The following GRIN3A variants were observed in gnomAD, a reference collection of about 807,000 sequenced individuals.
The protein encoded by GRIN3A is glutamate ionotropic receptor NMDA type subunit 3A.
GRIN3A carries 47 observed loss-of-function variants against 92.4 expected under a neutral mutation model. The observed-to-expected ratio is 0.51, with a 90% CI of 0.40 to 0.65. GRIN3A has a LOEUF of 0.65. Ranked by LOEUF, GRIN3A falls within the 30% of genes least tolerant of loss-of-function variation. GRIN3A has a pLI of 0.00. For synonymous variants in GRIN3A, 527 were observed against 540.6 expected, an observed-to-expected ratio of 0.97 and a Z score of 0.35; for missense variants, 1,324 against 1,393.1, an observed-to-expected ratio of 0.95 and a Z score of 0.79.
intron 2 of GRIN3A, among the ~76,000 whole-genome samples, chr9:101,678,249 C>T (rs961666819): frequency 1.7e-4 from 26 of 152,130 alleles, no homozygotes; most frequent in African/African-American, 6.0e-4. Context: ...GAATGGGGCT[C>T]ATTAAGTCAG....
chr9:101,683,989 T>C (rs1008047879), intron 2 of GRIN3A, among the ~76,000 whole-genome samples: 5 of 152,178 alleles, frequency 3.3e-5, no homozygotes, highest in African/African-American at 4.8e-5. Flanking sequence ...CAGCAACAGA[T>C]AATGTAGGAT....
chr9:101,595,317 T>TTA (rs1828108998), intron 6 of GRIN3A, among the ~76,000 whole-genome samples: 1 of 113,546 alleles, frequency 8.8e-6, no homozygotes, highest in Non-Finnish European at 1.9e-5. Flanking sequence ...ATCTACTTAT[T>TTA]TCTTTTTTTT....
chr9:101,619,421 T>A (rs1401803825), intron 5 of GRIN3A, among the ~76,000 whole-genome samples: 1 of 152,198 alleles, frequency 6.6e-6, no homozygotes, highest in African/African-American at 2.4e-5. Context: ...TACAGTTAAT[T>A]GGTCTCAATG....
chr9:101,646,174 A>G (rs558469596), intron 3 of GRIN3A, among the ~76,000 whole-genome samples: 32 of 151,842 alleles, frequency 2.1e-4, no homozygotes, highest in South Asian at 6.2e-4. Flanking sequence ...GCATTTCCCA[A>G]TGTTTTTTTC....
chr9:101,668,084 C>G (rs2025334), intron 3 of GRIN3A, among the ~76,000 whole-genome samples: 1 of 151,756 alleles, frequency 6.6e-6, no homozygotes, highest in Non-Finnish European at 1.5e-5. Flanking sequence ...TGTTGTGGAC[C>G]GGGTTAGACT....
Position 101,737,945 on chromosome 9 carries a change from C to A in GRIN3A, c.35G>T (p.Arg12Met), listed in dbSNP as rs1830240026. 2 of 1,538,008 alleles carry A rather than the reference C, an allele frequency of 1.3e-6. No homozygotes were observed. The highest frequency in any genetic ancestry group is 8.7e-7 in the Non-Finnish European group (1 of 1,148,624). Reference sequence around the variant, plus strand: ...GGGCGGCGGCAACAGCAGACAGACCCTGCTCAGCAGCCACCACAAACTCAG... The same window carrying A: ...GGGCGGCGGCAACAGCAGACAGACCATGCTCAGCAGCCACCACAAACTCAG... ...RRLSLWWLLS[R>M]VCLLLPPPCA... The change falls in exon 1 of 9, where the codon AGG becomes ATG. Residue 12 changes from arginine to methionine, a missense_variant. Transcript: ENST00000361820.
In GRIN3A at chr9:101,577,814, T is replaced by C. The variant is rs1827844526; in HGVS notation, c.2962A>G (p.Ile988Val). 4 of 1,612,808 alleles carry C rather than the reference T, an allele frequency of 2.5e-6. No homozygotes were observed. In the African/African-American group the frequency reaches 4.0e-5, roughly 16 times the overall value. ...TTGAAATGCTGCTGCTTTTCCTCTA[T>C]AAATGATGTATTTATTGCTCTGTGT... is the stretch of plus-strand genomic sequence containing the variant. ...RLHRAINTSF[I>V]EEKQQHFKTK... The change falls in exon 8 of 9, where the codon ATA becomes GTA. Residue 988 changes from isoleucine to valine, a missense_variant. By Grantham distance (29) the Ile-to-Val change is conservative (BLOSUM62 3). Transcript: ENST00000361820.
Position 101,681,584 on chromosome 9 carries a change from A to G in GRIN3A, c.1304+5012T>C, listed in dbSNP as rs376687015. On this transcript the variant is annotated intron_variant, in intron 2 of 8. Coordinates refer to ENST00000361820, the MANE Select transcript of GRIN3A (RefSeq NM_133445.3). ...TCCTTTGTCTGTGAATTTGTTCCAA[A>G]CCTAAAACCCCTTTTCATTTACAGG... is the stretch of plus-strand genomic sequence containing the variant. Among the ~76,000 whole-genome samples the G allele has an allele frequency of 3.3e-5, 5 of 152,294 alleles. No individual in the cohort carries two copies. The East Asian group carries it at 7.7e-4, about 24-fold the overall frequency.
chr9:101,617,057 G>A (rs147311122), intron 5 of GRIN3A, among the ~76,000 whole-genome samples: 39,002 of 149,670 alleles, frequency 0.26, 5,381 homozygotes, highest in Non-Finnish European at 0.29. Context: ...AAAATTAGCC[G>A]GGCGTGGTGG....
At position 101,737,950 on chromosome 9, in the gene GRIN3A, C is replaced by G; in HGVS notation, c.30G>C (p.Leu10=). Residue 10 remains leucine, a synonymous_variant, in exon 1 of 9, where the codon CTG becomes CTC. Coordinates refer to ENST00000361820, the MANE Select transcript of GRIN3A (RefSeq NM_133445.3). ...GCGGCAACAGCAGACAGACCCTGCTCAGCAGCCACCACAAACTCAGTCTCC... is the reference window on the plus strand; with the variant it reads ...GCGGCAACAGCAGACAGACCCTGCTGAGCAGCCACCACAAACTCAGTCTCC... The part of the protein sequence containing the change: MRRLSLWWL[L]SRVCLLLPPP... 1 of 1,537,508 alleles carries G rather than the reference C, an allele frequency of 6.5e-7. No individual in the cohort carries two copies. Among genetic ancestry groups the G allele is most frequent in the Non-Finnish European group, 8.7e-7 (1 of 1,148,442 alleles).
At chr9:101,596,204 T>G (rs1179504421) in intron 6 of GRIN3A, among the ~76,000 whole-genome samples, 1 of 152,204 alleles carries the variant, frequency 6.6e-6, no homozygotes, top group East Asian at 1.9e-4. Context: ...CTAGCAAAAC[T>G]AAGCCACTGA....
At chr9:101,684,128 T>G (rs1242782088) in intron 2 of GRIN3A, among the ~76,000 whole-genome samples, 2 of 151,214 alleles carry the variant, frequency 1.3e-5, no homozygotes, top group Admixed American at 1.3e-4. Context: ...CTTTTTTTTT[T>G]TGTGACGGAG....
chr9:101,641,104 T>C (rs576193423), intron 3 of GRIN3A, among the ~76,000 whole-genome samples: 54 of 152,092 alleles, frequency 3.6e-4, no homozygotes, highest in African/African-American at 1.2e-3. Flanking sequence ...GCCTAAAGCA[T>C]AGGAAAAGAA....
At chr9:101,621,602 G>C (rs929985352) in intron 5 of GRIN3A, among the ~76,000 whole-genome samples, 8 of 152,154 alleles carry the variant, frequency 5.3e-5, no homozygotes, top group Admixed American at 5.2e-4. Context: ...AAAACAATGT[G>C]ATGTCTAGAG....
intron 3 of GRIN3A, among the ~76,000 whole-genome samples, 155 bp downstream of exon 3, chr9:101,669,905 T>C (rs1472406770): frequency 6.6e-6 from 1 of 152,160 alleles, no homozygotes; most frequent in East Asian, 1.9e-4. Flanking sequence ...GAATATTTAG[T>C]TAAACCAGGC....
rs1399806760 is a variant in GRIN3A, at chr9:101,571,607, G to A, written c.*1567C>T. On this transcript the variant is annotated 3_prime_UTR_variant, in exon 9 of 9. Coordinates refer to ENST00000361820, the MANE Select transcript of GRIN3A (RefSeq NM_133445.3). ...GTGGGGGTGAGGATGTTGAAGGAGA[G>A]TCAGCAGATGTGTGCTAAAATTATT... 6.6e-6 allele frequency: 1 copy of A among 152,190 alleles called. No individual in the cohort carries two copies. Among genetic ancestry groups the A allele is most frequent in the East Asian group, 1.9e-4 (1 of 5,188 alleles). 9.4% of individuals were successfully genotyped at this position (152,190 alleles called of 1,614,324 possible).
At chr9:101,685,121 A>G (rs1441776250) in intron 2 of GRIN3A, among the ~76,000 whole-genome samples, 6 of 152,180 alleles carry the variant, frequency 3.9e-5, no homozygotes, top group African/African-American at 1.4e-4. Context: ...TGTAGTAAAT[A>G]TATTTGAAAA....
intron 6 of GRIN3A, among the ~76,000 whole-genome samples, chr9:101,581,143 A>G (rs958869009): frequency 1.3e-5 from 2 of 152,336 alleles, no homozygotes; most frequent in Non-Finnish European, 2.9e-5. Context: ...GAAAACAAAC[A>G]TATACCTCCA....
chr9:101,698,194 A>C (rs532680677), intron 1 of GRIN3A, among the ~76,000 whole-genome samples: 3 of 152,320 alleles, frequency 2.0e-5, no homozygotes, highest in African/African-American at 7.2e-5. Context: ...TTACTGTAAG[A>C]ATCCTGAAAT....
Sources: gnomAD v4.1 joint callset for allele counts (sites outside exome capture counted in the v4.1 genomes callset) on GRCh38, gnomAD v4.1.1 for gene constraint, MANE v1.5 for transcripts, NCBI Gene and HGNC (gene_info 2026-07-23, HGNC 2026-07-21) for gene names.